The following RANBP2 variants were observed in gnomAD, a reference collection of about 807,000 sequenced individuals.
The protein encoded by RANBP2 is RAN binding protein 2.
In RANBP2, 57 loss-of-function variants were observed where a neutral mutation model predicts 303.6. The ratio of observed to expected loss-of-function variants is 0.19; its 90% CI spans 0.15 to 0.23. The LOEUF (loss-of-function observed/expected upper bound fraction) is 0.23. RANBP2 is among the 10% of genes least tolerant of loss of function. The pLI, the probability that RANBP2 is intolerant of heterozygous loss-of-function variation, is 1.00. For missense variants in RANBP2, 3,138 were observed against 3,780.8 expected (o/e 0.83, Z 4.46); for synonymous variants, 1,167 against 1,301.5 (o/e 0.90, Z 2.23).
chr2:108,924,945 A>T, the RANBP2 span, among the ~76,000 whole-genome samples: 1 of 152,212 alleles, frequency 6.6e-6, no homozygotes, highest in South Asian at 2.1e-4. Context: ...GCCCACGCTG[A>T]CACTTCTGAG....
At chr2:109,517,798 C>A in the RANBP2 span, among the ~76,000 whole-genome samples, 2 of 152,234 alleles carry the variant, frequency 1.3e-5, no homozygotes, top group Non-Finnish European at 2.9e-5. Context: ...GGAGCACACC[C>A]ACAAACACGA....
chr2:108,965,113 CTGTG>C, the RANBP2 span, among the ~76,000 whole-genome samples: 1 of 151,396 alleles, frequency 6.6e-6, no homozygotes, highest in Non-Finnish European at 1.5e-5. Context: ...ATGTGTGTGT[CTGTG>C]TGTGTGTGTG....
At chr2:109,063,307 A>G in the RANBP2 span, among the ~76,000 whole-genome samples, 1 of 152,056 alleles carries the variant, frequency 6.6e-6, no homozygotes, top group African/African-American at 2.4e-5. Context: ...ACCTTTGAGC[A>G]TTTCCTGTTC....
the RANBP2 span, among the ~76,000 whole-genome samples, chr2:109,365,870 T>C: frequency 2.0e-5 from 3 of 152,236 alleles, no homozygotes; most frequent in Admixed American, 1.3e-4. Context: ...AAATCAACTT[T>C]CTTTACAAAA....
chr2:108,871,541 G>A, the RANBP2 span, among the ~76,000 whole-genome samples: 1 of 151,960 alleles, frequency 6.6e-6, no homozygotes, highest in Non-Finnish European at 1.5e-5. Flanking sequence ...AACAAAGCAA[G>A]ACTTTAGCTC....
At chr2:109,305,766 G>A in the RANBP2 span, among the ~76,000 whole-genome samples, 1 of 152,230 alleles carries the variant, frequency 6.6e-6, no homozygotes, top group Non-Finnish European at 1.5e-5. Flanking sequence ...GCGGTTCCCT[G>A]AGACAGATGC....
the RANBP2 span, among the ~76,000 whole-genome samples, chr2:109,523,405 G>T: frequency 6.6e-6 from 1 of 152,122 alleles, no homozygotes; most frequent in Non-Finnish European, 1.5e-5. Context: ...ACATGGAAAA[G>T]CCGGGTCACC....
the RANBP2 span, among the ~76,000 whole-genome samples, chr2:109,307,873 G>A: frequency 1.6e-5 from 2 of 127,556 alleles, no homozygotes; most frequent in East Asian, 2.1e-4. Context: ...GAATAATGCC[G>A]CAGTAAACAT....
chr2:108,778,613 G>T (rs578207351), intron 25 of RANBP2, among the ~76,000 whole-genome samples: 1 of 152,268 alleles, frequency 6.6e-6, no homozygotes, highest in African/African-American at 2.4e-5. Flanking sequence ...ATTCTAATGT[G>T]TTCCCAGGGT....
chr2:109,448,229 T>C, the RANBP2 span, among the ~76,000 whole-genome samples: 1 of 152,234 alleles, frequency 6.6e-6, no homozygotes, highest in Non-Finnish European at 1.5e-5. Context: ...TTTCACAGGC[T>C]TTATGTTTAT....
chr2:109,056,625 G>A, the RANBP2 span, among the ~76,000 whole-genome samples: 1 of 152,190 alleles, frequency 6.6e-6, no homozygotes, highest in African/African-American at 2.4e-5. Context: ...ATTATAAGAT[G>A]GCTTTTCGAG....
chr2:109,358,561 T>G, the RANBP2 span, among the ~76,000 whole-genome samples: 1 of 152,232 alleles, frequency 6.6e-6, no homozygotes, highest in Non-Finnish European at 1.5e-5. Context: ...ATCAACACAC[T>G]ACACACTACA....
the RANBP2 span, among the ~76,000 whole-genome samples, chr2:109,268,142 G>A: frequency 9.2e-5 from 14 of 152,132 alleles, no homozygotes; most frequent in Admixed American, 3.9e-4. Context: ...TCCTTTGGTC[G>A]TCACTTTTGC....
chr2:109,402,169 C>T, the RANBP2 span, among the ~76,000 whole-genome samples: 30 of 152,242 alleles, frequency 2.0e-4, no homozygotes, highest in Non-Finnish European at 3.1e-4. Context: ...CAAGCCCTCC[C>T]GGTCTGCCCC....
chr2:109,078,112 A>ATGGCG, the RANBP2 span, among the ~76,000 whole-genome samples: 8 of 81,028 alleles, frequency 9.9e-5, 2 homozygotes, highest in Non-Finnish European at 1.7e-4. Flanking sequence ...ATATATATAT[A>ATGGCG]TATATAGCGT....
chr2:108,973,369 G>A, the RANBP2 span, among the ~76,000 whole-genome samples: 1 of 152,228 alleles, frequency 6.6e-6, no homozygotes, highest in Non-Finnish European at 1.5e-5. Flanking sequence ...GGCTAGGGCA[G>A]GAGGGCGGTG....
At chr2:109,474,291 C>T in the RANBP2 span, among the ~76,000 whole-genome samples, 1 of 152,114 alleles carries the variant, frequency 6.6e-6, no homozygotes, top group African/African-American at 2.4e-5. Context: ...AAGTTTTGAG[C>T]CGGACAGTTA....
the RANBP2 span, among the ~76,000 whole-genome samples, chr2:108,813,142 G>A: frequency 4.0e-5 from 6 of 149,322 alleles, no homozygotes; most frequent in East Asian, 1.0e-3. Flanking sequence ...CCAGCTACTC[G>A]AGAGGCTGAG....
At chr2:109,011,717 C>T in the RANBP2 span, among the ~76,000 whole-genome samples, 1 of 152,164 alleles carries the variant, frequency 6.6e-6, no homozygotes, top group African/African-American at 2.4e-5. Context: ...TTTTTCCCTC[C>T]TCTACTTTCT....
Sources: gnomAD v4.1 joint callset for allele counts (sites outside exome capture counted in the v4.1 genomes callset) on GRCh38, gnomAD v4.1.1 for gene constraint, MANE v1.5 for transcripts, NCBI Gene and HGNC (gene_info 2026-07-23, HGNC 2026-07-21) for gene names.